The following JMY variants were observed in gnomAD, a reference collection of about 807,000 sequenced individuals.
JMY encodes junction-mediating and -regulatory protein.
Under a neutral mutation model 103.3 loss-of-function variants are expected in JMY, and 46 were observed. The observed-to-expected ratio is 0.45, with a 90% confidence interval of 0.35 to 0.57. JMY has a LOEUF of 0.57. Among genes scored for constraint, JMY ranks in the 20% least tolerant of loss-of-function variants. The pLI is 0.00. For synonymous variants in JMY, 526 were observed against 489.3 expected (o/e 1.07, Z -0.99); for missense variants, 1,238 against 1,255.2 (o/e 0.99, Z 0.21).
rs922939241 is a variant in JMY, at chr5:79,237,307, G to A, written c.657G>A (p.Glu219=). Residue 219 remains glutamate (E), a synonymous_variant, in exon 1 of 11, where the codon GAG becomes GAA. Coordinates refer to ENST00000396137, the MANE Select transcript of JMY (RefSeq NM_152405.5). ...SDAEQPPPAT[E]LESPAEECSW... ...CGGAGCAGCCGCCGCCCGCCACCGAGCTGGAGTCTCCGGCCGAAGAGTGCA... is the reference window on the plus strand; with the variant it reads ...CGGAGCAGCCGCCGCCCGCCACCGAACTGGAGTCTCCGGCCGAAGAGTGCA... The A allele has an allele frequency of 3.2e-6, 5 of 1,566,670 alleles. No individual in the cohort carries two copies. The highest frequency in any genetic ancestry group is 4.3e-6 in the Non-Finnish European group (5 of 1,156,222).
In JMY at chr5:79,312,462, A is replaced by T. The variant is rs1475014013; in HGVS notation, c.2028A>T (p.Arg676Ser). 4 of 1,584,442 alleles carry T rather than the reference A, an allele frequency of 2.5e-6. No individual in the cohort carries two copies. In the Admixed American group the frequency reaches 7.3e-5, roughly 29 times the overall value. ...AAAGTGCCTGGGTTAGCCAAGAGAGACAGAGAACACTGGATAGACTTCGAA... is the reference window on the plus strand; with the variant it reads ...AAAGTGCCTGGGTTAGCCAAGAGAGTCAGAGAACACTGGATAGACTTCGAA... ...ERKSAWVSQE[R>S]QRTLDRLRTF... is the part of the protein sequence containing the mutation. Residue 676 changes from arginine to serine, a missense_variant, in exon 8 of 11, where the codon AGA (arginine) becomes AGT (serine). Transcript: ENST00000396137.
chr5:79,313,477 C>CA (rs1190935394), intron 8 of JMY, among the ~76,000 whole-genome samples: 4 of 152,068 alleles, frequency 2.6e-5, no homozygotes, highest in Admixed American at 2.6e-4. Flanking sequence ...AGAGTTCTAC[C>CA]AGTAAGTACT....
chr5:79,278,585 CAAAAAA>C (rs34278536), intron 2 of JMY, among the ~76,000 whole-genome samples: 51 of 57,278 alleles, frequency 8.9e-4, no homozygotes, highest in Admixed American at 5.0e-3. Flanking sequence ...CCCGTCTCTA[CAAAAAA>C]AAAAAAAAAA....
intron 1 of JMY, among the ~76,000 whole-genome samples, chr5:79,274,950 A>G (rs1205625985): frequency 6.6e-6 from 1 of 152,070 alleles, no homozygotes; most frequent in Non-Finnish European, 1.5e-5. Flanking sequence ...TTTTATCTGG[A>G]TTGTTTAGTA....
At chr5:79,314,047 C>T (rs573256342) in intron 8 of JMY, among the ~76,000 whole-genome samples, 4 of 152,232 alleles carry the variant, frequency 2.6e-5, no homozygotes, top group South Asian at 2.1e-4. Flanking sequence ...TTAGTAGTGA[C>T]GGGGTTTCAC....
chr5:79,290,040 G>A (rs955907469), intron 2 of JMY, 81 bp from the exon 3 acceptor site: 3 of 939,694 alleles, frequency 3.2e-6, no homozygotes, highest in Non-Finnish European at 4.5e-6. Flanking sequence ...AGTATTCTTT[G>A]TGGTATATAA....
chr5:79,314,888 G>T (rs1747169091), intron 9 of JMY, 37 bp downstream of exon 9: 1 of 1,501,028 alleles, frequency 6.7e-7, no homozygotes, highest in South Asian at 1.4e-5. Flanking sequence ...TCTGTTGTAT[G>T]ACATCAGGCA....
intron 6 of JMY, among the ~76,000 whole-genome samples, chr5:79,301,235 T>C (rs6889383): frequency 0.71 from 107,596 of 152,160 alleles, 39,087 homozygotes; most frequent in African/African-American, 0.9. Context: ...GATTACATTT[T>C]AGAATGTTTG....
In JMY at chr5:79,316,049, T is replaced by G; in HGVS notation, c.2709T>G (p.Phe903Leu). The G allele has an allele frequency of 6.2e-7, 1 of 1,614,242 alleles. No individual in the cohort carries two copies. The highest frequency in any genetic ancestry group is 8.5e-7 in the Non-Finnish European group (1 of 1,180,032). Residue 903 changes from phenylalanine (F) to leucine (L), a missense_variant, in exon 10 of 11, where the codon TTT becomes TTG. Coordinates refer to ENST00000396137, the MANE Select transcript of JMY (RefSeq NM_152405.5). ...TAGCCTCCTTGAAGCGTGGTAGTTT[T>G]CATCTGAAAAAGGTTGAACAGCGAA... is the stretch of plus-strand genomic sequence containing the variant. ...EVLASLKRGS[F>L]HLKKVEQRTL...
At chr5:79,300,545 A>T in intron 5 of JMY, 131 bp from the exon 6 acceptor site, 1 of 757,678 alleles carries the variant, frequency 1.3e-6, no homozygotes, top group Non-Finnish European at 2.1e-6. Flanking sequence ...AATAATCACC[A>T]CTTACAAAGA....
chr5:79,311,070 A>G (rs115275123), intron 7 of JMY, among the ~76,000 whole-genome samples: 3,167 of 151,518 alleles, frequency 0.021, 132 homozygotes, highest in African/African-American at 0.072. Context: ...TGTGTGGTGT[A>G]TCTTTGTGTC....
chr5:79,259,434 C>T (rs1745350413), intron 1 of JMY, among the ~76,000 whole-genome samples: 1 of 152,196 alleles, frequency 6.6e-6, no homozygotes, highest in Non-Finnish European at 1.5e-5. Flanking sequence ...GTAGGATCAG[C>T]AGTCTGACAC....
chr5:79,317,550 C>T (rs1468823119), intron 10 of JMY, among the ~76,000 whole-genome samples: 1 of 152,114 alleles, frequency 6.6e-6, no homozygotes, highest in East Asian at 1.9e-4. Flanking sequence ...AGTATACAAA[C>T]ATGTTCTATT....
At chr5:79,264,814 T>C (rs1745534974) in intron 1 of JMY, among the ~76,000 whole-genome samples, 1 of 152,098 alleles carries the variant, frequency 6.6e-6, no homozygotes, top group Admixed American at 6.5e-5. Flanking sequence ...AAGAAATGAG[T>C]TTTGGCTCAA....
At chr5:79,307,690 C>G (rs1746928952) in intron 7 of JMY, among the ~76,000 whole-genome samples, 1 of 152,088 alleles carries the variant, frequency 6.6e-6, no homozygotes, top group Non-Finnish European at 1.5e-5. Context: ...GCGCATCTGT[C>G]CAAATGCCTA....
rs746136343 is a variant in JMY at position 79,316,331 on chromosome 5, T to G, written c.*3+21T>G. The G allele has an allele frequency of 9.0e-6, 14 of 1,557,460 alleles. No individual in the cohort carries two copies. The East Asian group carries it at 3.0e-4, about 33-fold the overall frequency. On this transcript the variant is annotated intron_variant, in intron 10 of 10. Transcript: ENST00000396137. Reference sequence around the variant, plus strand: ...AACAAGTAAACGGCCTTATTGTCTTTAGTAGCATTCAGTAATACAGGTTTT... The same window carrying G: ...AACAAGTAAACGGCCTTATTGTCTTGAGTAGCATTCAGTAATACAGGTTTT...
chr5:79,243,349 G>A (rs1744797674), intron 1 of JMY, among the ~76,000 whole-genome samples: 1 of 152,146 alleles, frequency 6.6e-6, no homozygotes, highest in African/African-American at 2.4e-5. Context: ...CAGTACTTTA[G>A]GAGTCTTGGG....
At chr5:79,277,835 A>G (rs1580349709) in intron 1 of JMY, 75 bp from the exon 2 acceptor site, 4 of 1,355,870 alleles carry the variant, frequency 3.0e-6, no homozygotes, top group South Asian at 3.0e-5. Context: ...CTGGCATGAT[A>G]GGGAGAGTTC....
At position 79,236,387 on chromosome 5, in the gene JMY, G is replaced by A. The variant is rs1207205955; in HGVS notation, c.-264G>A. 1.3e-5 allele frequency: 4 copies of A among 312,504 alleles called. No homozygotes were observed. Among genetic ancestry groups the A allele is most frequent in the Non-Finnish European group, 1.8e-5 (3 of 170,950 alleles). The allele number at this position is 312,504 out of a possible 1,614,324, so 19.4% of individuals were successfully genotyped here. ...CCGCGAGGCGCTGCGGCAGCGCGGA[G>A]CTTGTAAACAGATCCGGCCGCAGGT... On this transcript the variant is annotated 5_prime_UTR_variant, in exon 1 of 11. Transcript: ENST00000396137.
Sources: allele counts gnomAD v4.1 joint callset (sites outside exome capture counted in the v4.1 genomes callset), GRCh38; gene constraint gnomAD v4.1.1; transcripts MANE v1.5; gene names NCBI Gene and HGNC (gene_info 2026-07-23, HGNC 2026-07-21).